MARCHF4: variants seen among roughly 807,000 people sequenced by gnomAD.
The protein encoded by MARCHF4 is membrane associated ring-CH-type finger 4, also known as E3 ubiquitin-protein ligase MARCHF4.
A neutral mutation model predicts 43.9 loss-of-function variants in MARCHF4; 14 were observed. The observed-to-expected ratio is 0.32, with a 90% CI of 0.21 to 0.50. The LOEUF (loss-of-function observed/expected upper bound fraction) is 0.50, where lower values mean the gene tolerates loss of function less well. Among genes scored for constraint, MARCHF4 ranks in the 20% least tolerant of loss-of-function variants. MARCHF4 has a pLI of 0.98. For synonymous variants in MARCHF4, 226 were observed against 213.3 expected (o/e 1.06, Z -0.52); for missense variants, 468 against 536.7 (o/e 0.87, Z 1.27).
chr2:216,367,135 G>C (rs960619461), intron 1 of MARCHF4, among the ~76,000 whole-genome samples: 1 of 152,172 alleles, frequency 6.6e-6, no homozygotes, highest in African/African-American at 2.4e-5. Context: ...GAGCAGGGAG[G>C]TGGGGGTCTG....
intron 1 of MARCHF4, among the ~76,000 whole-genome samples, chr2:216,319,991 G>A (rs1342901795): frequency 6.6e-6 from 1 of 152,176 alleles, no homozygotes; most frequent in African/African-American, 2.4e-5. Context: ...CAATCTGGAT[G>A]TTTCTGTGAG....
chr2:216,294,761 C>T (rs1691362846), intron 1 of MARCHF4, among the ~76,000 whole-genome samples: 3 of 152,198 alleles, frequency 2.0e-5, no homozygotes, highest in Admixed American at 2.0e-4. Flanking sequence ...AGCGCTGGAC[C>T]AGATACTCTT....
chr2:216,279,719 A>G (rs975598837), intron 2 of MARCHF4, among the ~76,000 whole-genome samples: 3 of 152,224 alleles, frequency 2.0e-5, no homozygotes, highest in Non-Finnish European at 4.4e-5. Flanking sequence ...CAGCGTCTAC[A>G]TTTAATTAAA....
At chr2:216,350,484 C>T (rs1348577795) in intron 1 of MARCHF4, among the ~76,000 whole-genome samples, 1 of 151,280 alleles carries the variant, frequency 6.6e-6, no homozygotes, top group African/African-American at 2.4e-5. Context: ...ATCATGTGAG[C>T]CACATAACCT....
chr2:216,263,454 AGAG>A (rs1240223516), intron 3 of MARCHF4, among the ~76,000 whole-genome samples: 8 of 150,674 alleles, frequency 5.3e-5, no homozygotes, highest in Admixed American at 1.3e-4. Flanking sequence ...AGAGAGAGAG[AGAG>A]AGAAAGAAAG....
chr2:216,289,190 A>C (rs570092923), intron 1 of MARCHF4, among the ~76,000 whole-genome samples: 1 of 151,490 alleles, frequency 6.6e-6, no homozygotes, highest in African/African-American at 2.4e-5. Flanking sequence ...TATATTAACG[A>C]GCTTTACTCA....
At chr2:216,347,872 C>T (rs1377227386) in intron 1 of MARCHF4, among the ~76,000 whole-genome samples, 2 of 148,506 alleles carry the variant, frequency 1.3e-5, no homozygotes, top group African/African-American at 5.0e-5. Flanking sequence ...TCCAGACTTA[C>T]CAAAAAGTTG....
chr2:216,300,370 G>GTGTATATATATATC (rs1691476180), intron 1 of MARCHF4, among the ~76,000 whole-genome samples: 1 of 128,518 alleles, frequency 7.8e-6, no homozygotes, highest in African/African-American at 3.6e-5. Flanking sequence ...ATATATATAT[G>GTGTATATATATATC]ACTTACTCTG....
At chr2:216,310,124 C>T (rs1421847798) in intron 1 of MARCHF4, among the ~76,000 whole-genome samples, 1 of 152,176 alleles carries the variant, frequency 6.6e-6, no homozygotes, top group South Asian at 2.1e-4. Context: ...CTACCCAGTG[C>T]AATCACTCAA....
intron 1 of MARCHF4, among the ~76,000 whole-genome samples, chr2:216,284,068 C>T (rs911968094): frequency 5.9e-5 from 9 of 152,154 alleles, no homozygotes; most frequent in South Asian, 2.1e-4. Context: ...GAAGTGTCTC[C>T]GTAAAGGCTC....
chr2:216,311,488 C>T (rs947072667), intron 1 of MARCHF4, among the ~76,000 whole-genome samples: 1 of 152,128 alleles, frequency 6.6e-6, no homozygotes, highest in Non-Finnish European at 1.5e-5. Flanking sequence ...AAACTCATGG[C>T]CTCAAGTGAC....
intron 1 of MARCHF4, among the ~76,000 whole-genome samples, chr2:216,302,510 G>A (rs1043078057): frequency 6.6e-6 from 1 of 151,832 alleles, no homozygotes; most frequent in African/African-American, 2.4e-5. Flanking sequence ...TTACAGGCAT[G>A]AGCCACTGCG....
chr2:216,361,179 C>T (rs1474031032), intron 1 of MARCHF4, among the ~76,000 whole-genome samples: 1 of 152,012 alleles, frequency 6.6e-6, no homozygotes, highest in Non-Finnish European at 1.5e-5. Context: ...GAGTCTAATG[C>T]CTTCTTTCTT....
chr2:216,273,590 T>G (rs187353364), intron 3 of MARCHF4, among the ~76,000 whole-genome samples: 1 of 152,292 alleles, frequency 6.6e-6, no homozygotes, highest in East Asian at 1.9e-4. Flanking sequence ...CCAGGGAGCC[T>G]TCTCTTCCTC....
chr2:216,329,903 T>G (rs1311567287), intron 1 of MARCHF4, among the ~76,000 whole-genome samples: 1 of 151,798 alleles, frequency 6.6e-6, no homozygotes, highest in East Asian at 1.9e-4. Context: ...CTGGGTAGCA[T>G]TGTGACACCC....
intron 1 of MARCHF4, among the ~76,000 whole-genome samples, chr2:216,302,356 C>T (rs372653063): frequency 0.037 from 5,567 of 150,866 alleles, 335 homozygotes; most frequent in African/African-American, 0.13. Context: ...GTAGCTGGGA[C>T]TACAGGCGCC....
intron 1 of MARCHF4, among the ~76,000 whole-genome samples, chr2:216,314,546 C>T (rs1203910883): frequency 6.6e-6 from 1 of 151,544 alleles, no homozygotes. Flanking sequence ...TGGTCCTGAA[C>T]TCCTGGCCTT....
At chr2:216,260,883 T>C (rs1462304133) in intron 3 of MARCHF4, among the ~76,000 whole-genome samples, 3 of 152,136 alleles carry the variant, frequency 2.0e-5, no homozygotes, top group African/African-American at 7.2e-5. Flanking sequence ...GGTGATAGCA[T>C]TGACTAGGGT....
intron 1 of MARCHF4, among the ~76,000 whole-genome samples, chr2:216,296,457 G>A (rs910977054): frequency 5.9e-5 from 9 of 152,182 alleles, no homozygotes; most frequent in African/African-American, 2.2e-4. Context: ...GCACATGTGT[G>A]TGTTTCTACC....
Sources: allele counts gnomAD v4.1 joint callset (sites outside exome capture counted in the v4.1 genomes callset), GRCh38; gene constraint gnomAD v4.1.1; transcripts MANE v1.5; gene names NCBI Gene and HGNC (gene_info 2026-07-23, HGNC 2026-07-21).